SLC17A1: variants seen among roughly 807,000 people sequenced by gnomAD.
The protein encoded by SLC17A1 is solute carrier family 17 member 1, also known as sodium-dependent phosphate transport protein 1.
A neutral mutation model predicts 53.5 loss-of-function variants in SLC17A1; 51 were observed. The observed-to-expected ratio is 0.95, with a 90% CI of 0.76 to 1.20. SLC17A1 has a LOEUF of 1.20. Ranked by LOEUF, SLC17A1 falls within the 50% of genes most tolerant of loss-of-function variation. The probability of loss-of-function intolerance (pLI) is 0.00; values close to 1 mark genes in which losing one functional copy is unlikely to be tolerated. For synonymous variants in SLC17A1, 179 were observed against 198.8 expected (o/e 0.90, Z 0.84); for missense variants, 538 against 568.2 (o/e 0.95, Z 0.54).
At chr6:25,773,356 G>A in the SLC17A1 span, 2 of 1,613,916 alleles carry the variant, frequency 1.2e-6, no homozygotes, top group Non-Finnish European at 1.7e-6. Flanking sequence ...ATCAGTGCTG[G>A]TGAGAAGAGA....
rs1195409074 is a variant in SLC17A1, at chr6:25,803,068, T to C, written c.1179-2088A>G. 4.0e-5 allele frequency among the ~76,000 whole-genome samples: 6 copies of C among 148,712 alleles called. No individual in the cohort carries two copies. In the South Asian group the frequency reaches 1.1e-3, roughly 27 times the overall value. ...TTCACGCCATTCTCCTGCCTCAGCCTTCCGAGTAGCTGGGACTACAGGCGC... is the reference window on the plus strand; with the variant it reads ...TTCACGCCATTCTCCTGCCTCAGCCCTCCGAGTAGCTGGGACTACAGGCGC... On this transcript the variant is annotated intron_variant, in intron 10 of 12. Coordinates refer to ENST00000244527, the MANE Select transcript of SLC17A1 (RefSeq NM_005074.5).
chr6:25,779,299 T>G, downstream of SLC17A1: 1 of 1,424,488 alleles, frequency 7.0e-7, no homozygotes, highest in Non-Finnish European at 9.5e-7. Context: ...AGACCCTGAC[T>G]ATGTAACGCT....
At chr6:25,726,730 T>G in the SLC17A1 span, 1 of 1,075,280 alleles carries the variant, frequency 9.3e-7, no homozygotes, top group Non-Finnish European at 1.3e-6. Flanking sequence ...GAACGCGGCG[T>G]TTGAGGGCCG....
chr6:25,770,156 C>T, the SLC17A1 span: 6 of 1,614,110 alleles, frequency 3.7e-6, no homozygotes, highest in South Asian at 6.6e-5. Flanking sequence ...TCCCCAGTGG[C>T]TATGTGGCTG....
chr6:25,773,090 T>C, the SLC17A1 span, among the ~76,000 whole-genome samples: 701 of 152,334 alleles, frequency 4.6e-3, 3 homozygotes, highest in Non-Finnish European at 7.3e-3. Flanking sequence ...GCAAGTTGTA[T>C]GGCCAAGGCC....
chr6:25,824,321 C>T (rs1394408899), intron 3 of SLC17A1, among the ~76,000 whole-genome samples: 2 of 151,702 alleles, frequency 1.3e-5, no homozygotes, highest in African/African-American at 2.4e-5. Context: ...ATGCCATTAT[C>T]ATGTGTATGC....
chr6:25,803,791 C>T (rs1763864348), intron 10 of SLC17A1, among the ~76,000 whole-genome samples: 1 of 152,056 alleles, frequency 6.6e-6, no homozygotes, highest in African/African-American at 2.4e-5. Flanking sequence ...CTAACCCTTA[C>T]ACAGTGCTTG....
At chr6:25,748,898 C>T in the SLC17A1 span, among the ~76,000 whole-genome samples, 1 of 152,242 alleles carries the variant, frequency 6.6e-6, no homozygotes, top group African/African-American at 2.4e-5. Flanking sequence ...TCTCGCCTCC[C>T]GCCACGGGGC....
intron 6 of SLC17A1, among the ~76,000 whole-genome samples, chr6:25,818,539 C>T (rs1394778976): frequency 6.6e-6 from 1 of 152,142 alleles, no homozygotes. Context: ...ATCAAATGGA[C>T]ATAATAGAAC....
At chr6:25,756,583 T>C in the SLC17A1 span, among the ~76,000 whole-genome samples, 5 of 152,342 alleles carry the variant, frequency 3.3e-5, 1 homozygote, top group African/African-American at 1.2e-4. Context: ...ACAACAGCAC[T>C]GTCCTCCCTT....
In SLC17A1 at chr6:25,811,504, G is replaced by A; in HGVS notation, c.1072C>T (p.Leu358=). ...ACAATGCTGTAGAAGGTGGAACTCAGGTAAGGCAGGCAGACACCAAAGATT... is the reference window on the plus strand; with the variant it reads ...ACAATGCTGTAGAAGGTGGAACTCAAGTAAGGCAGGCAGACACCAAAGATT... ...PAIFGVCLPY[L]SSTFYSIVIF... The change falls in exon 10 of 13, where the codon CTG becomes TTG. Residue 358 remains leucine, a synonymous_variant. Transcript: ENST00000244527. 6.2e-7 allele frequency: 1 copy of A among 1,614,002 alleles called. No homozygotes were observed. The highest frequency in any genetic ancestry group is 8.5e-7 in the Non-Finnish European group (1 of 1,179,944).
intron 12 of SLC17A1, among the ~76,000 whole-genome samples, chr6:25,796,687 A>G (rs935238261): frequency 3.9e-5 from 6 of 152,220 alleles, no homozygotes; most frequent in African/African-American, 1.4e-4. Flanking sequence ...TTAAGGTGAC[A>G]AATTTATTTA....
intron 12 of SLC17A1, among the ~76,000 whole-genome samples, chr6:25,789,718 T>C (rs994342264): frequency 3.3e-5 from 5 of 152,112 alleles, no homozygotes; most frequent in Admixed American, 3.3e-4. Context: ...CACTCTCTAA[T>C]CATGTCATCA....
chr6:25,752,111 C>T, the SLC17A1 span, among the ~76,000 whole-genome samples: 5 of 152,184 alleles, frequency 3.3e-5, no homozygotes, highest in East Asian at 1.9e-4. Context: ...AATACAAACA[C>T]GCGACGCTTA....
chr6:25,727,157 T>A, the SLC17A1 span: 3 of 1,614,050 alleles, frequency 1.9e-6, no homozygotes, highest in African/African-American at 4.0e-5. Context: ...CACGTTTGGC[T>A]CACTACAGCA....
chr6:25,762,025 C>T, the SLC17A1 span: 4 of 1,613,512 alleles, frequency 2.5e-6, no homozygotes, highest in African/African-American at 1.3e-5. Flanking sequence ...GCAATTTAAA[C>T]GTGGCTCAAG....
the SLC17A1 span, chr6:25,762,152 T>C: frequency 4.2e-6 from 4 of 962,432 alleles, no homozygotes; most frequent in African/African-American, 1.6e-5. Flanking sequence ...GCATCTTTTG[T>C]TGATACACAT....
the SLC17A1 span, among the ~76,000 whole-genome samples, chr6:25,743,638 T>C: frequency 6.6e-6 from 1 of 152,020 alleles, no homozygotes; most frequent in Non-Finnish European, 1.5e-5. Flanking sequence ...AGAAAAACTA[T>C]ATTGTGAAAG....
chr6:25,771,085 A>G, the SLC17A1 span: 1 of 1,193,022 alleles, frequency 8.4e-7, no homozygotes, highest in Non-Finnish European at 1.3e-6. Flanking sequence ...TGGTTAACCA[A>G]ATCCTAATAG....
Sources: gnomAD v4.1 joint callset for allele counts (sites outside exome capture counted in the v4.1 genomes callset) on GRCh38, gnomAD v4.1.1 for gene constraint, MANE v1.5 for transcripts, NCBI Gene and HGNC (gene_info 2026-07-23, HGNC 2026-07-21) for gene names.